The following DOCK4 variants were observed in gnomAD, a reference collection of about 807,000 sequenced individuals.
DOCK4 encodes the protein dedicator of cytokinesis protein 4.
Under a neutral mutation model 268.1 loss-of-function variants are expected in DOCK4, and 97 were observed. The observed-to-expected ratio is 0.36, with a 90% CI of 0.31 to 0.43. The LOEUF (loss-of-function observed/expected upper bound fraction) is 0.43. DOCK4 is among the 20% of genes least tolerant of loss of function. The probability of loss-of-function intolerance (pLI) is 1.00; values close to 1 mark genes in which losing one functional copy is unlikely to be tolerated. For missense variants in DOCK4, 2,145 were observed against 2,455.7 expected, an observed-to-expected ratio of 0.87 and a Z score of 2.67; for synonymous variants, 954 against 887.2, an observed-to-expected ratio of 1.08 and a Z score of -1.34.
intron 1 of DOCK4, among the ~76,000 whole-genome samples, chr7:112,136,493 T>A (rs994015565): frequency 6.6e-6 from 1 of 152,226 alleles, no homozygotes; most frequent in African/African-American, 2.4e-5. Flanking sequence ...CCCTCACACA[T>A]GCGTAACACC....
At chr7:112,165,340 CCTAT>C (rs554542039) in intron 1 of DOCK4, among the ~76,000 whole-genome samples, 195 of 135,500 alleles carry the variant, frequency 1.4e-3, no homozygotes, top group Non-Finnish European at 2.5e-3. Flanking sequence ...CCCAATCTCT[CCTAT>C]CTATCTATCT....
At chr7:112,083,434 C>A (rs1164226564) in intron 1 of DOCK4, among the ~76,000 whole-genome samples, 1 of 151,970 alleles carries the variant, frequency 6.6e-6, no homozygotes, top group Non-Finnish European at 1.5e-5. Context: ...GTTACTATAA[C>A]ATAATGAATT....
rs760322883 is a variant in DOCK4, at chr7:111,784,140, T to G, written c.3402-17A>C. 4.5e-5 allele frequency: 70 copies of G among 1,569,012 alleles called. No individual in the cohort carries two copies. Among genetic ancestry groups the G allele is most frequent in the Non-Finnish European group, 5.8e-5 (67 of 1,162,860 alleles). On this transcript the variant is annotated splice_polypyrimidine_tract_variant and intron_variant, in intron 32 of 52. Transcript: ENST00000428084. ...AGTGGAATTCTAATCCAGGAAGCAT[T>G]GACAAAGCAAATTGATTTTCAGATT...
chr7:112,085,120 A>G (rs1328005763), intron 1 of DOCK4, among the ~76,000 whole-genome samples: 1 of 152,146 alleles, frequency 6.6e-6, no homozygotes, highest in Non-Finnish European at 1.5e-5. Context: ...TCACAAAGCC[A>G]TCTTCTAATC....
At chr7:111,840,028 G>A (rs1440575461) in intron 25 of DOCK4, among the ~76,000 whole-genome samples, 3 of 152,074 alleles carry the variant, frequency 2.0e-5, no homozygotes, top group Non-Finnish European at 2.9e-5. Flanking sequence ...AGCCATCAGT[G>A]GCCAAGATGT....
At chr7:111,831,720 C>T (rs1293721442) in intron 26 of DOCK4, among the ~76,000 whole-genome samples, 2 of 152,110 alleles carry the variant, frequency 1.3e-5, no homozygotes, top group African/African-American at 2.4e-5. Context: ...CTCCTGGGCT[C>T]AAGTGATCCT....
At chr7:111,928,210 A>G (rs1793892410) in intron 12 of DOCK4, among the ~76,000 whole-genome samples, 2 of 152,216 alleles carry the variant, frequency 1.3e-5, no homozygotes, top group Non-Finnish European at 2.9e-5. Context: ...AGGATACATG[A>G]GGAAATATTT....
At chr7:112,206,010 C>T (rs1821376209) in intron 1 of DOCK4, 92 bp downstream of exon 1, 2 of 1,423,416 alleles carry the variant, frequency 1.4e-6, no homozygotes, top group Non-Finnish European at 1.9e-6. Context: ...CATTTTCAAC[C>T]GGGCGGAGCG....
At chr7:112,074,510 CCAGTTG>C (rs1398464200) in intron 1 of DOCK4, among the ~76,000 whole-genome samples, 2 of 152,130 alleles carry the variant, frequency 1.3e-5, no homozygotes, top group East Asian at 3.8e-4. Flanking sequence ...TTCTGCTTTG[CCAGTTG>C]CTGGCTCCTA....
chr7:112,066,733 A>ACT (rs1586753226), intron 1 of DOCK4, among the ~76,000 whole-genome samples: 1 of 85,396 alleles, frequency 1.2e-5, no homozygotes, highest in East Asian at 2.9e-4. Flanking sequence ...ATATATATAT[A>ACT]TATATATATC....
In DOCK4 at chr7:111,877,126, C is replaced by A; in HGVS notation, c.1648G>T (p.Gly550Cys). 1.3e-6 allele frequency: 2 copies of A among 1,589,382 alleles called. No individual in the cohort carries two copies. Among genetic ancestry groups the A allele is most frequent in the Non-Finnish European group, 1.7e-6 (2 of 1,168,398 alleles). ...TGATTATTATTCCCAAGGAAAATGC[C>A]CTTGGAAAAGGGAAGTTTGAGGTAG... ...TRYLKLPFSK[G>C]IFLGNNNQAM... is the part of the protein sequence containing the mutation. The change falls in exon 17 of 53, where the codon GGC (glycine) becomes TGC (cysteine). Residue 550 changes from glycine (G) to cysteine (C), a missense_variant. Gly to Cys is a radical substitution (Grantham distance 159, BLOSUM62 -3). Coordinates refer to ENST00000428084, the MANE Select transcript of DOCK4 (RefSeq NM_001363540.2).
intron 39 of DOCK4, among the ~76,000 whole-genome samples, chr7:111,761,744 G>A (rs1379355158): frequency 6.6e-6 from 1 of 152,004 alleles, no homozygotes; most frequent in Admixed American, 6.6e-5. Flanking sequence ...GAACTGGGCT[G>A]GATAACCTAC....
intron 5 of DOCK4, among the ~76,000 whole-genome samples, chr7:111,993,804 A>C (rs904472681): frequency 6.6e-6 from 1 of 152,226 alleles, no homozygotes; most frequent in African/African-American, 2.4e-5. Context: ...TTGATAAAAT[A>C]CCAAAGCCAC....
At chr7:112,193,503 G>A (rs980329832) in intron 1 of DOCK4, among the ~76,000 whole-genome samples, 5 of 151,588 alleles carry the variant, frequency 3.3e-5, no homozygotes, top group Non-Finnish European at 7.4e-5. Flanking sequence ...GAAGGCTGAG[G>A]CAGGAGGATC....
chr7:112,075,551 G>C (rs559279985), intron 1 of DOCK4, among the ~76,000 whole-genome samples: 194 of 152,296 alleles, frequency 1.3e-3, no homozygotes, highest in African/African-American at 4.1e-3. Flanking sequence ...ACTGAATACT[G>C]TATAGCTAAA....
chr7:111,961,418 T>C (rs17159057), intron 8 of DOCK4, among the ~76,000 whole-genome samples: 41,839 of 152,080 alleles, frequency 0.28, 6,874 homozygotes, highest in African/African-American at 0.47. Flanking sequence ...CACTTACTCT[T>C]ACCATGCTTT....
At chr7:111,869,045 T>A (rs1806208189) in intron 21 of DOCK4, among the ~76,000 whole-genome samples, 1 of 152,184 alleles carries the variant, frequency 6.6e-6, no homozygotes, top group Non-Finnish European at 1.5e-5. Flanking sequence ...GTACTCTTTT[T>A]CAACATGTTT....
chr7:112,203,416 A>T (rs1353147309), intron 1 of DOCK4, among the ~76,000 whole-genome samples: 4 of 152,208 alleles, frequency 2.6e-5, no homozygotes, highest in Non-Finnish European at 5.9e-5. Flanking sequence ...TCCATCTCCG[A>T]TACATTTAAT....
chr7:111,962,065 T>C (rs1433652862), intron 8 of DOCK4, among the ~76,000 whole-genome samples: 2 of 152,202 alleles, frequency 1.3e-5, no homozygotes, highest in Admixed American at 1.3e-4. Context: ...TATTTTGTCA[T>C]ATTTTCTCCT....
Sources: gnomAD v4.1 joint callset for allele counts (sites outside exome capture counted in the v4.1 genomes callset) on GRCh38, gnomAD v4.1.1 for gene constraint, MANE v1.5 for transcripts, NCBI Gene and HGNC (gene_info 2026-07-23, HGNC 2026-07-21) for gene names.